Variants in EPHA5 observed in about 807,000 individuals in gnomAD.
EPHA5 encodes ephrin type-A receptor 5.
A neutral mutation model predicts 105.0 loss-of-function variants in EPHA5; 60 were observed. The ratio of observed to expected loss-of-function variants is 0.57; its 90% confidence interval spans 0.46 to 0.71. EPHA5 has a LOEUF of 0.71. EPHA5 is among the 30% of genes least tolerant of loss of function. The probability of loss-of-function intolerance (pLI) is 0.00; values close to 1 mark genes in which losing one functional copy is unlikely to be tolerated. For synonymous variants in EPHA5, 513 were observed against 449.1 expected, an observed-to-expected ratio of 1.14 and a Z score of -1.80; for missense variants, 1,218 against 1,274.7, an observed-to-expected ratio of 0.96 and a Z score of 0.68.
chr4:65,613,902 A>G (rs901922228), intron 2 of EPHA5, among the ~76,000 whole-genome samples: 4 of 152,000 alleles, frequency 2.6e-5, no homozygotes, highest in Admixed American at 6.5e-5. Context: ...GGGATTGACT[A>G]TCTGAAGACA....
At chr4:65,461,020 T>A (rs962181306) in intron 5 of EPHA5, among the ~76,000 whole-genome samples, 2 of 151,860 alleles carry the variant, frequency 1.3e-5, no homozygotes, top group African/African-American at 4.8e-5. Flanking sequence ...TAAACAAAAA[T>A]TTACTATAAA....
At chr4:65,476,424 C>T (rs909010094) in intron 5 of EPHA5, among the ~76,000 whole-genome samples, 1 of 152,008 alleles carries the variant, frequency 6.6e-6, no homozygotes, top group African/African-American at 2.4e-5. Context: ...AAAATCATGT[C>T]TTTTGCAGCA....
chr4:65,568,703 A>G (rs1739813211), intron 3 of EPHA5, among the ~76,000 whole-genome samples: 1 of 150,978 alleles, frequency 6.6e-6, no homozygotes, highest in South Asian at 2.1e-4. Flanking sequence ...ATATCAATAG[A>G]AATAATATCT....
At chr4:65,662,924 C>G (rs1749672106) in intron 1 of EPHA5, among the ~76,000 whole-genome samples, 1 of 152,032 alleles carries the variant, frequency 6.6e-6, no homozygotes. Flanking sequence ...TTAATAAACA[C>G]ACAACAATTA....
At position 65,321,986 on chromosome 4, in the gene EPHA5, C is replaced by T. The variant is rs555350207; in HGVS notation, c.*2128G>A. ...CCACATAATCATCATTTATTTTGTA[C>T]AAAAGTAATTTGTTTCATTAATTTC... On this transcript the variant is annotated 3_prime_UTR_variant, in exon 17 of 17. Transcript: ENST00000613740. 475 of 225,452 alleles carry T rather than the reference C, an allele frequency of 2.1e-3. 1 individual carries two copies. The highest frequency in any genetic ancestry group is 0.01 in the African/African-American group (461 of 44,968). The allele number at this position is 225,452 out of a possible 1,614,324, so 14.0% of individuals were successfully genotyped here. A position where few individuals can be genotyped will look rare whatever the true frequency, so the allele number is the denominator to read the frequency against.
At chr4:65,645,384 A>G (rs550920521) in intron 1 of EPHA5, among the ~76,000 whole-genome samples, 11 of 152,112 alleles carry the variant, frequency 7.2e-5, no homozygotes, top group Non-Finnish European at 1.3e-4. Flanking sequence ...CAAATCAGCA[A>G]ACTAAGGGTG....
At chr4:65,373,683 A>G (rs2148911333) in intron 8 of EPHA5, among the ~76,000 whole-genome samples, 1 of 152,064 alleles carries the variant, frequency 6.6e-6, no homozygotes, top group East Asian at 1.9e-4. Flanking sequence ...CTGATTTAAA[A>G]TATTTTTGAA....
intron 1 of EPHA5, among the ~76,000 whole-genome samples, chr4:65,646,797 T>G (rs1221297173): frequency 1.3e-5 from 2 of 151,906 alleles, no homozygotes; most frequent in African/African-American, 4.8e-5. Context: ...TTTAAGAAAA[T>G]TAAAGTAATA....
chr4:65,583,956 G>A (rs1741886110), intron 3 of EPHA5, among the ~76,000 whole-genome samples: 1 of 151,242 alleles, frequency 6.6e-6, no homozygotes, highest in East Asian at 1.9e-4. Context: ...CACTATATAT[G>A]TAATATATAT....
chr4:65,393,659 T>C (rs1720937567), intron 8 of EPHA5, among the ~76,000 whole-genome samples: 1 of 152,226 alleles, frequency 6.6e-6, no homozygotes, highest in Non-Finnish European at 1.5e-5. Context: ...ATAACAGACA[T>C]TATTTTAAAC....
At chr4:65,607,824 ATT>A (rs2149451416) in intron 2 of EPHA5, among the ~76,000 whole-genome samples, 1 of 152,310 alleles carries the variant, frequency 6.6e-6, no homozygotes. Context: ...CAGCAATCCC[ATT>A]ACTGGGTATA....
At chr4:65,504,611 C>T (rs1203854590) in intron 3 of EPHA5, among the ~76,000 whole-genome samples, 1 of 151,814 alleles carries the variant, frequency 6.6e-6, no homozygotes, top group East Asian at 1.9e-4. Context: ...TGTATGTCTC[C>T]ATCTCGACAA....
At chr4:65,549,626 G>T (rs1400087815) in intron 3 of EPHA5, among the ~76,000 whole-genome samples, 1 of 151,894 alleles carries the variant, frequency 6.6e-6, no homozygotes, top group African/African-American at 2.4e-5. Context: ...AATTTGTAGG[G>T]CAACCCTTTA....
At chr4:65,338,803 T>C (rs968002356) in intron 14 of EPHA5, among the ~76,000 whole-genome samples, 1 of 152,154 alleles carries the variant, frequency 6.6e-6, no homozygotes, top group Non-Finnish European at 1.5e-5. Context: ...TTGGGGGAAA[T>C]AGATAGCATT....
intron 2 of EPHA5, among the ~76,000 whole-genome samples, chr4:65,604,290 G>A (rs1389984353): frequency 6.6e-6 from 1 of 152,158 alleles, no homozygotes; most frequent in Non-Finnish European, 1.5e-5. Flanking sequence ...AGCAGCACTT[G>A]ACAAGATAGC....
chr4:65,570,919 T>C (rs1740098672), intron 3 of EPHA5, among the ~76,000 whole-genome samples: 1 of 152,028 alleles, frequency 6.6e-6, no homozygotes, highest in Admixed American at 6.6e-5. Flanking sequence ...CAAGTGGTGA[T>C]ATGATGTCAT....
At chr4:65,451,161 T>C (rs1727029133) in intron 5 of EPHA5, among the ~76,000 whole-genome samples, 4 of 152,232 alleles carry the variant, frequency 2.6e-5, no homozygotes, top group African/African-American at 7.2e-5. Context: ...ATAAGTAGCT[T>C]CTTTCTGTGA....
intron 5 of EPHA5, among the ~76,000 whole-genome samples, chr4:65,469,580 C>T (rs571969469): frequency 3.5e-4 from 53 of 152,132 alleles, no homozygotes; most frequent in African/African-American, 1.0e-3. Context: ...CAGAGTTGGA[C>T]GCCAGCAAGG....
intron 12 of EPHA5, among the ~76,000 whole-genome samples, chr4:65,352,227 T>C (rs1436952083): frequency 1.3e-5 from 2 of 151,982 alleles, no homozygotes; most frequent in African/African-American, 4.8e-5. Context: ...GATAAAATAA[T>C]TTGGCAGAGT....
Sources: allele counts gnomAD v4.1 joint callset (sites outside exome capture counted in the v4.1 genomes callset), GRCh38; gene constraint gnomAD v4.1.1; transcripts MANE v1.5; gene names NCBI Gene and HGNC (gene_info 2026-07-23, HGNC 2026-07-21).